Variants in SLC38A11 observed in about 807,000 individuals in gnomAD.
SLC38A11 encodes the protein solute carrier family 38 member 11.
A neutral mutation model predicts 49.4 loss-of-function variants in SLC38A11; 51 were observed. The observed-to-expected ratio is 1.03, with a 90% CI of 0.83 to 1.30. The LOEUF (loss-of-function observed/expected upper bound fraction) is 1.30. Among genes scored for constraint, SLC38A11 ranks in the 50% most tolerant of loss-of-function variants. The pLI is 0.00. For synonymous variants in SLC38A11, 203 were observed against 192.9 expected, an observed-to-expected ratio of 1.05 and a Z score of -0.43; for missense variants, 574 against 556.2, an observed-to-expected ratio of 1.03 and a Z score of -0.32.
rs1378127047 is a variant in SLC38A11 at position 164,949,510 on chromosome 2, G to A, written c.229+3197C>T. On this transcript the variant is annotated intron_variant, in intron 3 of 11. Transcript: ENST00000685975. ...TGACCTCAAGTGATCCACGTGCCTCGGCCTCTCAAAGTGCTGGGATTACAG... is the reference window on the plus strand; with the variant it reads ...TGACCTCAAGTGATCCACGTGCCTCAGCCTCTCAAAGTGCTGGGATTACAG... Among the ~76,000 whole-genome samples, 17 of 152,246 alleles carry A rather than the reference G, an allele frequency of 1.1e-4. No homozygotes were observed. In the South Asian group the frequency reaches 2.3e-3, roughly 20 times the overall value.
intron 11 of SLC38A11, among the ~76,000 whole-genome samples, chr2:164,908,288 C>T (rs906692872): frequency 6.6e-6 from 1 of 152,002 alleles, no homozygotes; most frequent in Admixed American, 6.6e-5. Flanking sequence ...GTACTCTAAA[C>T]CAGGGTTTCT....
intron 9 of SLC38A11, among the ~76,000 whole-genome samples, chr2:164,912,859 T>C (rs1223992780): frequency 6.6e-6 from 1 of 151,840 alleles, no homozygotes; most frequent in Non-Finnish European, 1.5e-5. Flanking sequence ...CAAAAAACAA[T>C]TACCTACAAC....
At chr2:164,923,670 A>T in intron 7 of SLC38A11, among the ~76,000 whole-genome samples, 1 of 152,090 alleles carries the variant, frequency 6.6e-6, no homozygotes, top group East Asian at 1.9e-4. Flanking sequence ...GGTGGTGCAC[A>T]CCTGTAGTCC....
chr2:164,906,791 C>A (rs548141051), intron 11 of SLC38A11, among the ~76,000 whole-genome samples: 171 of 152,318 alleles, frequency 1.1e-3, no homozygotes, highest in African/African-American at 4.0e-3. Flanking sequence ...GTTTTGGAAA[C>A]TGCTTACTCC....
At chr2:164,942,622 A>C (rs1472438703) in intron 5 of SLC38A11, among the ~76,000 whole-genome samples, 1 of 152,108 alleles carries the variant, frequency 6.6e-6, no homozygotes, top group African/African-American at 2.4e-5. Flanking sequence ...CCAATAGAAA[A>C]TTTACATAAT....
chr2:164,905,776 A>G (rs1298661507), intron 11 of SLC38A11, among the ~76,000 whole-genome samples: 2 of 152,158 alleles, frequency 1.3e-5, no homozygotes, highest in African/African-American at 4.8e-5. Context: ...CTATATAATC[A>G]GGTTTTAAAA....
intron 7 of SLC38A11, among the ~76,000 whole-genome samples, chr2:164,928,127 T>C (rs1288657768): frequency 2.6e-5 from 4 of 152,178 alleles, no homozygotes; most frequent in Non-Finnish European, 4.4e-5. Context: ...GCAAATATCT[T>C]TCCTATTTTT....
intron 11 of SLC38A11, among the ~76,000 whole-genome samples, chr2:164,906,829 A>G (rs932639929): frequency 3.9e-5 from 6 of 152,200 alleles, no homozygotes; most frequent in African/African-American, 1.4e-4. Context: ...GAAAGTCCCC[A>G]GTAGGGTCCC....
intron 10 of SLC38A11, among the ~76,000 whole-genome samples, 176 bp downstream of exon 10, chr2:164,911,460 G>C (rs1263906743): frequency 2.0e-5 from 3 of 151,900 alleles, no homozygotes; most frequent in African/African-American, 7.3e-5. Flanking sequence ...GTAAACATCT[G>C]AATATAAATT....
intron 10 of SLC38A11, 112 bp downstream of exon 10, chr2:164,911,524 C>T (rs1438229624): frequency 2.2e-6 from 1 of 451,712 alleles, no homozygotes; most frequent in Non-Finnish European, 4.0e-6. Context: ...ACAAATTATA[C>T]CATTTGTCAT....
intron 7 of SLC38A11, among the ~76,000 whole-genome samples, chr2:164,926,155 C>G (rs1686567131): frequency 6.6e-6 from 1 of 152,166 alleles, no homozygotes; most frequent in South Asian, 2.1e-4. Flanking sequence ...ATATTCCCAT[C>G]TGTCCTTGCC....
intron 6 of SLC38A11, among the ~76,000 whole-genome samples, chr2:164,938,468 T>C (rs1420672453): frequency 6.6e-6 from 1 of 152,194 alleles, no homozygotes; most frequent in Non-Finnish European, 1.5e-5. Context: ...TTAATAGCCT[T>C]CCTTTTATGA....
chr2:164,900,335 C>T (rs576264789), intron 11 of SLC38A11, among the ~76,000 whole-genome samples: 3 of 152,078 alleles, frequency 2.0e-5, no homozygotes, highest in Non-Finnish European at 4.4e-5. Flanking sequence ...ATTCCTGGGT[C>T]ATATAATGGT....
chr2:164,927,104 G>A (rs1001606038), intron 7 of SLC38A11, among the ~76,000 whole-genome samples: 1 of 152,140 alleles, frequency 6.6e-6, no homozygotes, highest in Admixed American at 6.6e-5. Flanking sequence ...CCTTATAAAA[G>A]TGCTTGAGGA....
intron 5 of SLC38A11, among the ~76,000 whole-genome samples, chr2:164,940,470 C>T (rs191550161): frequency 2.1e-4 from 31 of 150,856 alleles, no homozygotes; most frequent in African/African-American, 5.3e-4. Context: ...TATATTGTTA[C>T]GATGTCTTCA....
rs1688604682 is a variant in SLC38A11, at chr2:164,952,693, A to G, written c.229+14T>C. The G allele has an allele frequency of 1.9e-6, 3 of 1,555,872 alleles. No individual in the cohort carries two copies. Among genetic ancestry groups the G allele is most frequent in the South Asian group, 2.2e-5 (2 of 89,820 alleles). ...GTTGAAGTTGCAGAAATAAGAAATT[A>G]TATAGTATTTTACCTGTAACATATG... On this transcript the variant is annotated intron_variant, in intron 3 of 11. Coordinates refer to ENST00000685975, the MANE Select transcript of SLC38A11 (RefSeq NM_001351537.2).
chr2:164,921,034 T>C (rs1258289553), intron 7 of SLC38A11, among the ~76,000 whole-genome samples: 1 of 148,070 alleles, frequency 6.8e-6, no homozygotes. Flanking sequence ...AAAGGAAAAG[T>C]GTACAAGAAG....
At chr2:164,948,045 A>G (rs546727257) in intron 3 of SLC38A11, among the ~76,000 whole-genome samples, 154 of 152,292 alleles carry the variant, frequency 1.0e-3, no homozygotes, top group Middle Eastern at 3.4e-3. Context: ...TGCTTAAAAT[A>G]TTTCAGGGAG....
chr2:164,935,007 GA>G (rs1470256687), intron 7 of SLC38A11, among the ~76,000 whole-genome samples: 10 of 151,894 alleles, frequency 6.6e-5, no homozygotes, highest in African/African-American at 2.4e-4. Flanking sequence ...TATGTATCTG[GA>G]AAAATTGCAA....
Sources: allele counts gnomAD v4.1 joint callset (sites outside exome capture counted in the v4.1 genomes callset), GRCh38; gene constraint gnomAD v4.1.1; transcripts MANE v1.5; gene names NCBI Gene and HGNC (gene_info 2026-07-23, HGNC 2026-07-21).